The following OPRM1 variants were observed in gnomAD, a reference collection of about 807,000 sequenced individuals.
OPRM1 encodes opioid receptor mu 1.
Under a neutral mutation model 31.8 loss-of-function variants are expected in OPRM1, and 27 were observed. That is an observed-to-expected ratio of 0.85 (90% CI 0.63 to 1.17). The LOEUF is 1.17. OPRM1 is among the 50% of genes most tolerant of loss of function. The pLI, the probability that OPRM1 is intolerant of heterozygous loss-of-function variation, is 0.00. For missense variants in OPRM1, 536 were observed against 511.1 expected (o/e 1.05, Z -0.47); for synonymous variants, 196 against 189.9 (o/e 1.03, Z -0.26).
At chr6:154,111,203 G>A (rs1796326792) in intron 3 of OPRM1, among the ~76,000 whole-genome samples, 2 of 152,156 alleles carry the variant, frequency 1.3e-5, no homozygotes, top group African/African-American at 4.8e-5. Context: ...GAGCTTGGAA[G>A]AGGGGATGAG....
intron 1 of OPRM1, among the ~76,000 whole-genome samples, chr6:154,072,547 A>C (rs17181129): frequency 0.011 from 1,601 of 152,342 alleles, 28 homozygotes; most frequent in African/African-American, 0.034. Flanking sequence ...AACAAGCATG[A>C]GACTCCACTC....
Position 154,089,922 on chromosome 6 carries a change from T to C in OPRM1, c.387T>C (p.Asn129=). The C allele has an allele frequency of 6.2e-7, 1 of 1,614,072 alleles. No homozygotes were observed. The part of the protein sequence containing the change: ...ATSTLPFQSV[N]YLMGTWPFGT... ...GTACCCTGCCCTTCCAGAGTGTGAA[T>C]TACCTAATGGGAACATGGCCATTTG... is the stretch of plus-strand genomic sequence containing the variant. The change falls in exon 2 of 4, where the codon AAT becomes AAC. Residue 129 remains asparagine, a synonymous_variant. Coordinates refer to ENST00000330432, the MANE Select transcript of OPRM1 (RefSeq NM_000914.5).
At chr6:154,178,167 G>A (rs186205111) in intron 3 of OPRM1, among the ~76,000 whole-genome samples, 334 of 152,122 alleles carry the variant, frequency 2.2e-3, no homozygotes, top group African/African-American at 6.8e-3. Context: ...GAGGGATAGC[G>A]TTAGGAGAAA....
chr6:154,154,274 T>G (rs915662315), intron 3 of OPRM1, among the ~76,000 whole-genome samples: 1 of 152,242 alleles, frequency 6.6e-6, no homozygotes, highest in Non-Finnish European at 1.5e-5. Flanking sequence ...ATCTCATATG[T>G]TTTAAGCAGC....
At chr6:154,186,601 G>T (rs1801377969) in intron 3 of OPRM1, among the ~76,000 whole-genome samples, 1 of 151,630 alleles carries the variant, frequency 6.6e-6, no homozygotes, top group African/African-American at 2.4e-5. Flanking sequence ...TTGTCGCCCA[G>T]GCTGGAGTGC....
Position 154,128,365 on chromosome 6 carries a change from G to C in OPRM1, c.*9644G>C, listed in dbSNP as rs1275286673. ...TCCTTCTAACTAAATCTTATCATAAGCAAATCTATGCACCAAATTATTTAG... is the reference window on the plus strand; with the variant it reads ...TCCTTCTAACTAAATCTTATCATAACCAAATCTATGCACCAAATTATTTAG... On this transcript the variant is annotated 3_prime_UTR_variant, in exon 4 of 4. Transcript: ENST00000330432. Among the ~76,000 whole-genome samples the C allele has an allele frequency of 6.6e-6, 1 of 152,130 alleles. No individual in the cohort carries two copies. The highest frequency in any genetic ancestry group is 2.4e-5 in the African/African-American group (1 of 41,424).
intron 3 of OPRM1, among the ~76,000 whole-genome samples, chr6:154,193,360 G>A (rs969519959): frequency 6.6e-6 from 1 of 152,090 alleles, no homozygotes; most frequent in Admixed American, 6.5e-5. Flanking sequence ...GGGACTCGGG[G>A]GAAAGGATAA....
rs775648573 is a variant in OPRM1, at chr6:154,119,158, T to A, written c.*437T>A. 5 of 988,624 alleles carry A rather than the reference T, an allele frequency of 5.1e-6. No homozygotes were observed. The highest frequency in any genetic ancestry group is 1.7e-5 in the African/African-American group (1 of 57,320). The allele number at this position is 988,624 out of a possible 1,614,324, so 61.2% of individuals were successfully genotyped here. A position where few individuals can be genotyped will look rare whatever the true frequency, so the allele number is the denominator to read the frequency against. On this transcript the variant is annotated 3_prime_UTR_variant, in exon 4 of 4. Transcript: ENST00000330432. ...AAGCACCTTGAATGGAAGGTCCGAG[T>A]CTTTTTAGTGTTTTGCAAGGGAATG...
Position 154,119,286 on chromosome 6 carries a change from A to AG in OPRM1, c.*565_*566insG. On this transcript the variant is annotated 3_prime_UTR_variant, in exon 4 of 4. Coordinates refer to ENST00000330432, the MANE Select transcript of OPRM1 (RefSeq NM_000914.5). Reference sequence around the variant, plus strand: ...TCTTGGTTTTGTATTGTTTAAAAAAATAACATCTCTTTCATCTAGCTCCAT... The same window carrying AG: ...TCTTGGTTTTGTATTGTTTAAAAAAAGTAACATCTCTTTCATCTAGCTCCAT... 1.0e-6 allele frequency: 1 copy of AG among 985,608 alleles called. No individual in the cohort carries two copies. The allele number at this position is 985,608 out of a possible 1,614,324, so 61.1% of individuals were successfully genotyped here. A position where few individuals can be genotyped will look rare whatever the true frequency, so the allele number is the denominator to read the frequency against.
intron 3 of OPRM1, among the ~76,000 whole-genome samples, chr6:154,204,384 A>C (rs149804601): frequency 2.6e-5 from 4 of 152,204 alleles, no homozygotes; most frequent in African/African-American, 9.7e-5. Context: ...AAAACAAAAC[A>C]AAACCAAAAT....
chr6:154,118,608 C>A, intron 3 of OPRM1, 75 bp from the exon 4 acceptor site: 1 of 1,425,946 alleles, frequency 7.0e-7, no homozygotes, highest in Non-Finnish European at 9.8e-7. Flanking sequence ...TTCTTACGAG[C>A]AGAAGATGCT....
chr6:154,019,033 G>A (rs558941308), intron 1 of OPRM1, among the ~76,000 whole-genome samples: 96 of 151,886 alleles, frequency 6.3e-4, no homozygotes, highest in African/African-American at 2.0e-3. Flanking sequence ...TTTGATACAC[G>A]CATGCAATGT....
intron 3 of OPRM1, among the ~76,000 whole-genome samples, chr6:154,172,018 T>G (rs1267810714): frequency 6.6e-6 from 1 of 152,232 alleles, no homozygotes; most frequent in African/African-American, 2.4e-5. Flanking sequence ...AATGGTTTCT[T>G]TACATTTCTC....
rs545033501 is a variant in OPRM1, at chr6:154,114,199, C to A, written c.1165-4484C>A. Reference sequence around the variant, plus strand: ...AAGATCTAAATAGTCCAATTAAGTGCCAGGCTTCCTTTCTCTTAGGAGAGC... The same window carrying A: ...AAGATCTAAATAGTCCAATTAAGTGACAGGCTTCCTTTCTCTTAGGAGAGC... On this transcript the variant is annotated intron_variant, in intron 3 of 3. Coordinates refer to ENST00000330432, the MANE Select transcript of OPRM1 (RefSeq NM_000914.5). 2.0e-5 allele frequency among the ~76,000 whole-genome samples: 3 copies of A among 152,216 alleles called. No homozygotes were observed. The South Asian group carries it at 6.2e-4, about 32-fold the overall frequency.
intron 1 of OPRM1, among the ~76,000 whole-genome samples, chr6:154,041,288 C>A (rs879603204): frequency 2.6e-5 from 4 of 152,032 alleles, no homozygotes; most frequent in Non-Finnish European, 5.9e-5. Context: ...GGAAGGCTAA[C>A]AACAGAAGGA....
intron 3 of OPRM1, among the ~76,000 whole-genome samples, chr6:154,208,060 G>T (rs540430261): frequency 6.6e-6 from 1 of 152,156 alleles, no homozygotes; most frequent in Non-Finnish European, 1.5e-5. Context: ...CCACTTCCCA[G>T]TGTCTGTTGC....
chr6:154,053,341 C>T (rs1289121258), intron 1 of OPRM1, among the ~76,000 whole-genome samples: 1 of 152,244 alleles, frequency 6.6e-6, no homozygotes, highest in African/African-American at 2.4e-5. Flanking sequence ...TGCCACCCTG[C>T]ACCCACTGCA....
intron 3 of OPRM1, among the ~76,000 whole-genome samples, chr6:154,140,752 A>G (rs1029596970): frequency 2.0e-5 from 3 of 152,188 alleles, no homozygotes; most frequent in Non-Finnish European, 4.4e-5. Context: ...CACCCTGCCT[A>G]CACTCCCTAC....
At chr6:154,167,638 G>C (rs1365579464) in intron 3 of OPRM1, among the ~76,000 whole-genome samples, 2 of 152,148 alleles carry the variant, frequency 1.3e-5, no homozygotes, top group African/African-American at 4.8e-5. Flanking sequence ...AACAAATTAT[G>C]CATGGTCCTT....
Sources: gnomAD v4.1 joint callset for allele counts (sites outside exome capture counted in the v4.1 genomes callset) on GRCh38, gnomAD v4.1.1 for gene constraint, MANE v1.5 for transcripts, NCBI Gene and HGNC (gene_info 2026-07-23, HGNC 2026-07-21) for gene names.